MSN: variants seen among roughly 807,000 people sequenced by gnomAD.
MSN encodes the protein moesin, also known as epididymis luminal protein 70.
A neutral mutation model predicts 48.0 loss-of-function variants in MSN; 2 were observed. The ratio of observed to expected loss-of-function variants is 0.04; its 90% CI spans 0.02 to 0.13. MSN has a LOEUF of 0.13. MSN is among the 10% of genes least tolerant of loss of function. The pLI, the probability that MSN is intolerant of heterozygous loss-of-function variation, is 1.00. For missense variants in MSN, 267 were observed against 470.1 expected, an observed-to-expected ratio of 0.57 and a Z score of 3.99; for synonymous variants, 146 against 166.9, an observed-to-expected ratio of 0.87 and a Z score of 0.97.
intron 1 of MSN, among the ~76,000 whole-genome samples, chrX:65,706,440 A>G (rs1344465416): frequency 1.8e-5 from 2 of 111,418 alleles, no homozygotes; most frequent in African/African-American, 6.5e-5. Context: ...CAGCAGCCCC[A>G]CTGAAAGCCC....
intron 1 of MSN, among the ~76,000 whole-genome samples, chrX:65,700,069 G>A (rs2071286641): frequency 8.9e-6 from 1 of 111,909 alleles, no homozygotes; most frequent in African/African-American, 3.3e-5. Context: ...GATTATTGTT[G>A]TATACAAGTG....
intron 1 of MSN, among the ~76,000 whole-genome samples, chrX:65,616,251 T>C (rs1212569124): frequency 9.4e-6 from 1 of 106,916 alleles, no homozygotes; most frequent in Non-Finnish European, 1.9e-5. Flanking sequence ...AGAAAGTCAT[T>C]GGTAGCTTGA....
At chrX:65,653,423 T>C (rs761010341) in intron 1 of MSN, among the ~76,000 whole-genome samples, 36 of 111,147 alleles carry the variant, frequency 3.2e-4, no homozygotes, top group African/African-American at 1.1e-3. Flanking sequence ...TAGTTAGGAA[T>C]GTTTGAGGCC....
At chrX:65,625,646 T>C (rs992044433) in intron 1 of MSN, 2 of 111,958 alleles carry the variant, frequency 1.8e-5, no homozygotes, top group Admixed American at 9.5e-5. Context: ...TCAACCTATT[T>C]GTGTCTTTGA....
At chrX:65,612,794 G>A (rs762502171) in intron 1 of MSN, among the ~76,000 whole-genome samples, 3 of 107,323 alleles carry the variant, frequency 2.8e-5, no homozygotes, top group African/African-American at 6.8e-5. Context: ...TGATTCCCCC[G>A]CCTCAGCCTC....
rs902651591 is a variant in MSN at position 65,667,715 on chromosome X, C to T, written c.-127C>T. 1 of 1,128,941 alleles carries T rather than the reference C, an allele frequency of 8.9e-7. No individual in the cohort carries two copies. Among genetic ancestry groups the T allele is most frequent in the Non-Finnish European group, 1.2e-6 (1 of 848,778 alleles). The allele number at this position is 1,128,941 out of a possible 1,213,427, so 93.0% of individuals were successfully genotyped here. On this transcript the variant is annotated 5_prime_UTR_variant, in exon 1 of 13. Transcript: ENST00000360270. Reference sequence around the variant, plus strand: ...CGTTAGCAGGAAGCCTAACAGTCGCCCCGACGCTAGTGAGGGACCCAATCT... The same window carrying T: ...CGTTAGCAGGAAGCCTAACAGTCGCTCCGACGCTAGTGAGGGACCCAATCT...
intron 1 of MSN, among the ~76,000 whole-genome samples, chrX:65,708,245 T>C (rs1304689298): frequency 9.0e-6 from 1 of 111,687 alleles, no homozygotes; most frequent in Non-Finnish European, 1.9e-5. Flanking sequence ...ATATATACAA[T>C]ATATAGTGAT....
At chrX:65,698,948 A>G (rs1028899490) in intron 1 of MSN, among the ~76,000 whole-genome samples, 41 of 111,812 alleles carry the variant, frequency 3.7e-4, no homozygotes, top group African/African-American at 1.3e-3. Context: ...ATAAGGAATC[A>G]GTGGCAAAGC....
intron 1 of MSN, among the ~76,000 whole-genome samples, chrX:65,609,530 A>C (rs1288454859): frequency 9.0e-6 from 1 of 111,435 alleles, no homozygotes; most frequent in Non-Finnish European, 1.9e-5. Context: ...GGGCTCAGCA[A>C]GTGGTCATGG....
At chrX:65,619,106 G>A (rs1242272796) in intron 1 of MSN, among the ~76,000 whole-genome samples, 1 of 99,687 alleles carries the variant, frequency 1.0e-5, no homozygotes, top group African/African-American at 3.9e-5. Flanking sequence ...TCCCTTTGAG[G>A]GTAACCCGAC....
intron 1 of MSN, among the ~76,000 whole-genome samples, chrX:65,616,839 G>A (rs1298731104): frequency 9.1e-6 from 1 of 109,861 alleles, no homozygotes; most frequent in African/African-American, 3.3e-5. Flanking sequence ...TATTGGCTGT[G>A]GGTTTGTCAT....
At chrX:65,668,228 G>T (rs978232663) in intron 1 of MSN, among the ~76,000 whole-genome samples, 1 of 112,708 alleles carries the variant, frequency 8.9e-6, no homozygotes, top group East Asian at 2.8e-4. Context: ...CCAGGAATTG[G>T]CACCTTTCTG....
intron 1 of MSN, among the ~76,000 whole-genome samples, chrX:65,714,173 T>A (rs2071440187): frequency 8.9e-6 from 1 of 112,274 alleles, no homozygotes; most frequent in African/African-American, 3.2e-5. Context: ...TTGTTGTTTT[T>A]TATGGCTGCA....
At chrX:65,590,918 C>T (rs1048865123) in intron 1 of MSN, among the ~76,000 whole-genome samples, 5 of 111,520 alleles carry the variant, frequency 4.5e-5, no homozygotes, top group African/African-American at 6.5e-5. Flanking sequence ...GAACTGACCT[C>T]TTTGCCTGGA....
intron 1 of MSN, among the ~76,000 whole-genome samples, chrX:65,639,641 C>A (rs2070633158): frequency 1.8e-5 from 2 of 111,663 alleles, no homozygotes; most frequent in Non-Finnish European, 3.8e-5. Flanking sequence ...GACAGCATGA[C>A]CTGCTCCACC....
At chrX:65,671,985 G>C (rs1051947005) in intron 1 of MSN, among the ~76,000 whole-genome samples, 11 of 112,148 alleles carry the variant, frequency 9.8e-5, no homozygotes, top group Non-Finnish European at 1.9e-4. Flanking sequence ...CCGAATGATG[G>C]AGCTGGAAAG....
rs1401325596 is a variant in MSN, at chrX:65,740,583, A to G, written c.*690A>G. 1 of 172,234 alleles carries G rather than the reference A, an allele frequency of 5.8e-6. No individual in the cohort carries two copies. The highest frequency in any genetic ancestry group is 7.9e-5 in the Admixed American group (1 of 12,597). 14.2% of individuals were successfully genotyped at this position (172,234 alleles called of 1,213,427 possible). ...TGCCTTCAAGACCTTCACCAAACATACTAGAAGGGCATTGGCCATTCTATT... is the reference window on the plus strand; with the variant it reads ...TGCCTTCAAGACCTTCACCAAACATGCTAGAAGGGCATTGGCCATTCTATT... On this transcript the variant is annotated 3_prime_UTR_variant, in exon 13 of 13. Coordinates refer to ENST00000360270, the MANE Select transcript of MSN (RefSeq NM_002444.3).
At chrX:65,690,644 C>G (rs2147473053) in intron 1 of MSN, among the ~76,000 whole-genome samples, 1 of 111,843 alleles carries the variant, frequency 8.9e-6, no homozygotes, top group Non-Finnish European at 1.9e-5. Context: ...GACTTCACTC[C>G]TCAGATCCAT....
chrX:65,724,016 C>T lies in MSN; in HGVS notation c.97-3798C>T, dbSNP rs1463287855. On this transcript the variant is annotated intron_variant, in intron 2 of 12. Transcript: ENST00000360270. ...TCAGAGAGATCACCCTCCCTCCCCC[C>T]AGCACTGAGCCTGAATTCTCTCTTT... 5.5e-5 allele frequency among the ~76,000 whole-genome samples: 6 copies of T among 109,865 alleles called. No homozygotes were observed. In the Admixed American group the frequency reaches 5.8e-4, roughly 11 times the overall value.
Sources: allele counts gnomAD v4.1 joint callset (sites outside exome capture counted in the v4.1 genomes callset), GRCh38; gene constraint gnomAD v4.1.1; transcripts MANE v1.5; gene names NCBI Gene and HGNC (gene_info 2026-07-23, HGNC 2026-07-21).